The following MOB3B variants were observed in gnomAD, a reference collection of about 807,000 sequenced individuals.
The protein encoded by MOB3B is MOB kinase activator-like 2B.
MOB3B carries 7 observed loss-of-function variants against 18.7 expected under a neutral mutation model. The observed-to-expected ratio is 0.37, with a 90% CI of 0.21 to 0.70. The LOEUF (loss-of-function observed/expected upper bound fraction) is 0.70, where lower values mean the gene tolerates loss of function less well. Ranked by LOEUF, MOB3B falls within the 30% of genes least tolerant of loss-of-function variation. MOB3B has a pLI of 0.52. For synonymous variants in MOB3B, 111 were observed against 99.9 expected, an observed-to-expected ratio of 1.11 and a Z score of -0.66; for missense variants, 253 against 281.3, an observed-to-expected ratio of 0.90 and a Z score of 0.72.
rs151019753 is a variant in MOB3B, at chr9:27,523,746, A to G, written c.-199+5809T>C. ...TTGGAGATCCAGAAAAATCAAAAAGAGAAAATATCCAAATATAGAAGCTTA... is the reference window on the plus strand; with the variant it reads ...TTGGAGATCCAGAAAAATCAAAAAGGGAAAATATCCAAATATAGAAGCTTA... On this transcript the variant is annotated intron_variant, in intron 1 of 3. Coordinates refer to ENST00000262244, the MANE Select transcript of MOB3B (RefSeq NM_024761.5). Among the ~76,000 whole-genome samples, 1,083 of 152,368 alleles carry G rather than the reference A, an allele frequency of 7.1e-3. 18 individuals carry two copies. Among genetic ancestry groups the G allele is most frequent in the African/African-American group, 0.024 (1,007 of 41,582 alleles).
At chr9:27,451,543 A>G (rs930368640) in intron 2 of MOB3B, among the ~76,000 whole-genome samples, 1 of 152,320 alleles carries the variant, frequency 6.6e-6, no homozygotes, top group South Asian at 2.1e-4. Flanking sequence ...AGAGATCAAC[A>G]GCTGTTTATA....
intron 2 of MOB3B, among the ~76,000 whole-genome samples, chr9:27,414,229 A>G (rs1254373169): frequency 6.6e-6 from 1 of 152,218 alleles, no homozygotes; most frequent in Non-Finnish European, 1.5e-5. Flanking sequence ...GGCTTCAGAG[A>G]ACTTTGGACC....
At chr9:27,475,523 G>A (rs1176327559) in intron 1 of MOB3B, among the ~76,000 whole-genome samples, 1 of 152,192 alleles carries the variant, frequency 6.6e-6, no homozygotes, top group African/African-American at 2.4e-5. Context: ...GTATAATCAA[G>A]AATGGCATAT....
chr9:27,428,471 C>A (rs897393179), intron 2 of MOB3B, among the ~76,000 whole-genome samples: 1 of 152,026 alleles, frequency 6.6e-6, no homozygotes, highest in Non-Finnish European at 1.5e-5. Flanking sequence ...ACAGCTGAGA[C>A]CCAAAGGATG....
chr9:27,409,974 G>C (rs1267321723), intron 2 of MOB3B, among the ~76,000 whole-genome samples: 1 of 152,254 alleles, frequency 6.6e-6, no homozygotes, highest in African/African-American at 2.4e-5. Flanking sequence ...GTTTCAGTTT[G>C]CAGTGATGAA....
intron 2 of MOB3B, among the ~76,000 whole-genome samples, chr9:27,417,592 C>T (rs1024426377): frequency 7.2e-5 from 11 of 152,174 alleles, no homozygotes; most frequent in African/African-American, 2.7e-4. Flanking sequence ...ACTTTCTAAG[C>T]CTCTCAGCTT....
intron 3 of MOB3B, among the ~76,000 whole-genome samples, chr9:27,344,625 T>A (rs1304948742): frequency 6.6e-6 from 1 of 152,010 alleles, no homozygotes; most frequent in Non-Finnish European, 1.5e-5. Context: ...AAACCTTGAA[T>A]TAAAAATGGA....
intron 1 of MOB3B, among the ~76,000 whole-genome samples, chr9:27,504,018 C>T (rs1820024759): frequency 6.6e-6 from 1 of 152,238 alleles, no homozygotes; most frequent in Non-Finnish European, 1.5e-5. Flanking sequence ...TAAGCAGTCC[C>T]TAATGAACCT....
At position 27,497,512 on chromosome 9, in the gene MOB3B, T is replaced by C. The variant is rs1363764352; in HGVS notation, c.-199+32043A>G. Among the ~76,000 whole-genome samples, 3 of 152,020 alleles carry C rather than the reference T, an allele frequency of 2.0e-5. No individual in the cohort carries two copies. The East Asian group carries it at 5.8e-4, about 29-fold the overall frequency. On this transcript the variant is annotated intron_variant, in intron 1 of 3. Transcript: ENST00000262244. ...AATTATCACAATTTCCTAAAAAATA[T>C]ATATACATATTTGACTGTAAAGAAA...
In MOB3B at chr9:27,326,300, C is replaced by CTGGGAGAAT. The variant is rs1820711235; in HGVS notation, c.*4278_*4286dup. 2 of 394,730 alleles carry CTGGGAGAAT rather than the reference C, an allele frequency of 5.1e-6. No individual in the cohort carries two copies. The highest frequency in any genetic ancestry group is 4.4e-5 in the Admixed American group (1 of 22,592). 24.5% of individuals were successfully genotyped at this position (394,730 alleles called of 1,614,324 possible). ...ACAAGACTCCGTAGAGGATGCCACC[C>CTGGGAGAAT]TGGGAGAATTGCAAGGGAAAGGAGG... On this transcript the variant is annotated 3_prime_UTR_variant, in exon 4 of 4. Transcript: ENST00000262244.
rs533413132 is a variant in MOB3B, at chr9:27,436,185, G to T, written c.418+18948C>A. Among the ~76,000 whole-genome samples the T allele has an allele frequency of 2.6e-5, 4 of 152,314 alleles. No homozygotes were observed. In the South Asian group the frequency reaches 8.3e-4, roughly 32 times the overall value. ...GGCTCCTATTAGAGACTTTGTGTAT[G>T]TTTGGTAATATTTGTATGTGAGCTT... is the stretch of plus-strand genomic sequence containing the variant. On this transcript the variant is annotated intron_variant, in intron 2 of 3. Coordinates refer to ENST00000262244, the MANE Select transcript of MOB3B (RefSeq NM_024761.5).
intron 1 of MOB3B, among the ~76,000 whole-genome samples, chr9:27,475,909 C>T (rs1200419986): frequency 2.0e-5 from 3 of 152,202 alleles, no homozygotes; most frequent in Non-Finnish European, 2.9e-5. Flanking sequence ...TTCTGCTCCT[C>T]GGCAAACTAT....
chr9:27,334,120 TA>T (rs1392905284), intron 3 of MOB3B, among the ~76,000 whole-genome samples: 1 of 152,262 alleles, frequency 6.6e-6, no homozygotes, highest in Non-Finnish European at 1.5e-5. Flanking sequence ...AGAACATTAA[TA>T]TTTTTTAGTA....
intron 2 of MOB3B, among the ~76,000 whole-genome samples, chr9:27,417,641 C>T (rs969120340): frequency 1.9e-4 from 29 of 152,176 alleles, no homozygotes; most frequent in Non-Finnish European, 8.8e-5. Context: ...AACAAAAATG[C>T]TAGTACTTTG....
intron 3 of MOB3B, among the ~76,000 whole-genome samples, chr9:27,349,087 T>G (rs1821071018): frequency 6.6e-6 from 1 of 152,266 alleles, no homozygotes; most frequent in South Asian, 2.1e-4. Context: ...TATTCTTGTC[T>G]ATTGGTCCAT....
At chr9:27,340,309 G>A (rs988586409) in intron 3 of MOB3B, among the ~76,000 whole-genome samples, 7 of 152,108 alleles carry the variant, frequency 4.6e-5, no homozygotes, top group Non-Finnish European at 1.0e-4. Context: ...TATTCATACC[G>A]ATACAAAAAT....
intron 2 of MOB3B, among the ~76,000 whole-genome samples, chr9:27,438,446 G>A (rs1252070140): frequency 6.6e-6 from 1 of 152,210 alleles, no homozygotes; most frequent in East Asian, 1.9e-4. Flanking sequence ...ATACAGCCAA[G>A]AGGATGAGGC....
rs1340849027 is a variant in MOB3B at position 27,327,583 on chromosome 9, C to T, written c.*3004G>A. 6.6e-6 allele frequency: 1 copy of T among 152,038 alleles called. No individual in the cohort carries two copies. Among genetic ancestry groups the T allele is most frequent in the Non-Finnish European group, 1.5e-5 (1 of 68,004 alleles). The allele number at this position is 152,038 out of a possible 1,614,324, so 9.4% of individuals were successfully genotyped here. A position where few individuals can be genotyped will look rare whatever the true frequency, so the allele number is the denominator to read the frequency against. ...ACACACACTGCACATCATACACAAA[C>T]ACCACCCCACCACCCACCACTCAGA... On this transcript the variant is annotated 3_prime_UTR_variant, in exon 4 of 4. Coordinates refer to ENST00000262244, the MANE Select transcript of MOB3B (RefSeq NM_024761.5).
rs527905664 is a variant in MOB3B, at chr9:27,350,954, G to C, written c.621+8080C>G. Among the ~76,000 whole-genome samples, 74 of 150,842 alleles carry C rather than the reference G, an allele frequency of 4.9e-4. 1 individual carries two copies. Among genetic ancestry groups the C allele is most frequent in the African/African-American group, 1.8e-3 (74 of 40,962 alleles). On this transcript the variant is annotated intron_variant, in intron 3 of 3. Transcript: ENST00000262244. Reference sequence around the variant, plus strand: ...TCTCGCTGTTGTGCCCCAGGCTGGAGTGTGATGGCACGATCTCGGCTCACT... The same window carrying C: ...TCTCGCTGTTGTGCCCCAGGCTGGACTGTGATGGCACGATCTCGGCTCACT...
Sources: gnomAD v4.1 joint callset for allele counts (sites outside exome capture counted in the v4.1 genomes callset) on GRCh38, gnomAD v4.1.1 for gene constraint, MANE v1.5 for transcripts, NCBI Gene and HGNC (gene_info 2026-07-23, HGNC 2026-07-21) for gene names.